Variants in KCNH5 observed in about 807,000 individuals in gnomAD.
KCNH5 encodes voltage-gated delayed rectifier potassium channel KCNH5.
A neutral mutation model predicts 96.1 loss-of-function variants in KCNH5; 46 were observed. The ratio of observed to expected loss-of-function variants is 0.48; its 90% CI spans 0.38 to 0.61. KCNH5 has a LOEUF of 0.61. Ranked by LOEUF, KCNH5 falls within the 20% of genes least tolerant of loss-of-function variation. KCNH5 has a pLI of 0.00. For missense variants in KCNH5, 907 were observed against 1,225.8 expected (o/e 0.74, Z 3.88); for synonymous variants, 439 against 449.8 (o/e 0.98, Z 0.30).
chr14:62,844,777 A>T (rs963426880), intron 8 of KCNH5, among the ~76,000 whole-genome samples: 2 of 152,228 alleles, frequency 1.3e-5, no homozygotes, highest in African/African-American at 4.8e-5. Context: ...TTAATGCCAC[A>T]ATTATATTAG....
intron 7 of KCNH5, among the ~76,000 whole-genome samples, chr14:62,923,056 C>G (rs926619062): frequency 4.6e-5 from 7 of 151,760 alleles, no homozygotes; most frequent in Non-Finnish European, 7.4e-5. Context: ...AAACATATAT[C>G]TTATATATAG....
chr14:62,785,992 AC>A (rs1886312698), intron 9 of KCNH5, among the ~76,000 whole-genome samples: 1 of 152,168 alleles, frequency 6.6e-6, no homozygotes, highest in African/African-American at 2.4e-5. Context: ...GGAGTTTGAG[AC>A]CAGCCTGGCC....
chr14:62,848,283 C>T (rs560618802), intron 8 of KCNH5, among the ~76,000 whole-genome samples: 1 of 152,300 alleles, frequency 6.6e-6, no homozygotes, highest in South Asian at 2.1e-4. Flanking sequence ...CTCACCTTCA[C>T]TCCAAGGAAG....
chr14:62,783,421 C>T (rs1016176242), intron 9 of KCNH5, among the ~76,000 whole-genome samples: 3 of 152,124 alleles, frequency 2.0e-5, no homozygotes, highest in African/African-American at 7.2e-5. Flanking sequence ...ATTTCTTTTC[C>T]TTTTTATCCT....
intron 10 of KCNH5, among the ~76,000 whole-genome samples, chr14:62,777,625 C>T (rs1886124382): frequency 6.6e-6 from 1 of 152,054 alleles, no homozygotes; most frequent in South Asian, 2.1e-4. Flanking sequence ...AGCAGAGAGG[C>T]TAGAATTATA....
intron 10 of KCNH5, among the ~76,000 whole-genome samples, chr14:62,764,527 A>G (rs540249545): frequency 6.6e-6 from 1 of 152,312 alleles, no homozygotes; most frequent in South Asian, 2.1e-4. Context: ...AGCCAGGGCA[A>G]TCAGGCAAGA....
intron 7 of KCNH5, among the ~76,000 whole-genome samples, chr14:62,886,059 A>T (rs1355880376): frequency 6.6e-6 from 1 of 151,704 alleles, no homozygotes; most frequent in Non-Finnish European, 1.5e-5. Context: ...ACCTCTCACA[A>T]TCATTAGTCA....
chr14:62,998,570 CT>C (rs1890952921), intron 4 of KCNH5, among the ~76,000 whole-genome samples: 1 of 152,040 alleles, frequency 6.6e-6, no homozygotes, highest in Non-Finnish European at 1.5e-5. Flanking sequence ...TGTCTTTCTT[CT>C]TTTCTAATAT....
At chr14:62,972,338 T>C (rs1280769319) in intron 6 of KCNH5, among the ~76,000 whole-genome samples, 3 of 152,156 alleles carry the variant, frequency 2.0e-5, no homozygotes, top group African/African-American at 7.2e-5. Context: ...AACTCCAAAA[T>C]ACTAACACCG....
chr14:62,967,263 G>A (rs550346569), intron 6 of KCNH5, among the ~76,000 whole-genome samples: 22 of 150,980 alleles, frequency 1.5e-4, no homozygotes, highest in Middle Eastern at 6.8e-3. Context: ...TTTCCTTTTT[G>A]TGGAGATGGG....
intron 7 of KCNH5, among the ~76,000 whole-genome samples, chr14:62,871,629 G>A (rs1888256292): frequency 6.6e-6 from 1 of 152,200 alleles, no homozygotes; most frequent in South Asian, 2.1e-4. Flanking sequence ...TCTGGGGAAT[G>A]AGGAATTGAA....
chr14:62,884,637 G>A lies in KCNH5; in HGVS notation c.1370-34785C>T, dbSNP rs1171217427. ...TAAGACTCTGTCTCAAAAAAAGAAA[G>A]AAAGAAAAAAACTAGTCTTTCCATG... On this transcript the variant is annotated intron_variant, in intron 7 of 10. Transcript: ENST00000322893. 4.6e-5 allele frequency among the ~76,000 whole-genome samples: 7 copies of A among 151,904 alleles called. 1 individual carries two copies. The highest frequency in any genetic ancestry group is 1.5e-4 in the African/African-American group (6 of 41,360).
intron 10 of KCNH5, among the ~76,000 whole-genome samples, chr14:62,761,192 T>C (rs975070357): frequency 2.6e-5 from 4 of 151,864 alleles, no homozygotes; most frequent in Non-Finnish European, 4.4e-5. Context: ...CCGTCTCTAC[T>C]AAAAATACAA....
chr14:62,905,861 C>T (rs1889017164), intron 7 of KCNH5, among the ~76,000 whole-genome samples: 1 of 152,154 alleles, frequency 6.6e-6, no homozygotes, highest in Admixed American at 6.6e-5. Flanking sequence ...TAACAGTTAT[C>T]AAAATTAGGT....
At chr14:62,975,706 T>C (rs931100870) in intron 6 of KCNH5, among the ~76,000 whole-genome samples, 12 of 150,844 alleles carry the variant, frequency 8.0e-5, no homozygotes, top group Admixed American at 2.6e-4. Context: ...ATCCAAGAGA[T>C]TAAAGGAAAG....
At chr14:62,729,978 C>A (rs897321913) in intron 10 of KCNH5, among the ~76,000 whole-genome samples, 16 of 152,282 alleles carry the variant, frequency 1.1e-4, no homozygotes, top group Admixed American at 6.5e-5. Flanking sequence ...TATAATGTTA[C>A]CGTGTTACAA....
intron 7 of KCNH5, among the ~76,000 whole-genome samples, chr14:62,866,226 G>T (rs774455386): frequency 9.2e-5 from 14 of 152,144 alleles, no homozygotes; most frequent in Non-Finnish European, 1.6e-4. Flanking sequence ...ATAAAAACCT[G>T]CAAGGTTCAC....
At chr14:62,726,983 G>A (rs1884939872) in intron 10 of KCNH5, among the ~76,000 whole-genome samples, 1 of 152,116 alleles carries the variant, frequency 6.6e-6, no homozygotes, top group South Asian at 2.1e-4. Context: ...TGAGTGAAAG[G>A]TGCCAGATAC....
chr14:62,769,037 G>C (rs893270242), intron 10 of KCNH5, among the ~76,000 whole-genome samples: 1 of 152,228 alleles, frequency 6.6e-6, no homozygotes, highest in African/African-American at 2.4e-5. Flanking sequence ...TTCAGGAATT[G>C]TTGAAGGTCT....
Sources: allele counts gnomAD v4.1 joint callset (sites outside exome capture counted in the v4.1 genomes callset), GRCh38; gene constraint gnomAD v4.1.1; transcripts MANE v1.5; gene names NCBI Gene and HGNC (gene_info 2026-07-23, HGNC 2026-07-21).